The following AKAP13 variants were observed in gnomAD, a reference collection of about 807,000 sequenced individuals.
AKAP13 encodes the protein A-kinase anchoring protein 13.
Under a neutral mutation model 264.5 loss-of-function variants are expected in AKAP13, and 80 were observed. The observed-to-expected ratio is 0.30, with a 90% CI of 0.25 to 0.36. The LOEUF (loss-of-function observed/expected upper bound fraction) is 0.36, where lower values mean the gene tolerates loss of function less well. Among genes scored for constraint, AKAP13 ranks in the 10% least tolerant of loss-of-function variants. AKAP13 has a pLI of 1.00. For synonymous variants in AKAP13, 1,380 were observed against 1,250.2 expected (o/e 1.10, Z -2.19); for missense variants, 3,712 against 3,435.2 (o/e 1.08, Z -2.01).
rs575667428 is a variant in AKAP13, at chr15:85,499,124, C to G, written c.33+13371C>G. 3.3e-5 allele frequency among the ~76,000 whole-genome samples: 5 copies of G among 152,226 alleles called. No homozygotes were observed. The East Asian group carries it at 9.6e-4, about 29-fold the overall frequency. Reference sequence around the variant, plus strand: ...AAGATATTATTTCAGAAGGACAGATCTATGGCTTTTCTTTTTTAAAGGCTA... The same window carrying G: ...AAGATATTATTTCAGAAGGACAGATGTATGGCTTTTCTTTTTTAAAGGCTA... On this transcript the variant is annotated intron_variant, in intron 2 of 36. Coordinates refer to ENST00000394518, the MANE Select transcript of AKAP13 (RefSeq NM_007200.5).
At chr15:85,388,142 T>G (rs927752299) in intron 1 of AKAP13, among the ~76,000 whole-genome samples, 3 of 151,960 alleles carry the variant, frequency 2.0e-5, no homozygotes, top group African/African-American at 7.3e-5. Context: ...TTCAAGTGAT[T>G]CTCGTGCCTC....
intron 8 of AKAP13, among the ~76,000 whole-genome samples, chr15:85,590,559 T>C (rs1440575607): frequency 6.6e-6 from 1 of 152,230 alleles, no homozygotes; most frequent in Non-Finnish European, 1.5e-5. Flanking sequence ...CGTTTACTTA[T>C]ATTCTCAGAG....
intron 18 of AKAP13, among the ~76,000 whole-genome samples, chr15:85,709,633 A>G (rs1387275699): frequency 2.6e-5 from 4 of 151,706 alleles, no homozygotes; most frequent in Non-Finnish European, 5.9e-5. Context: ...CATCTCCCAT[A>G]TAAGAGAATA....
intron 3 of AKAP13, among the ~76,000 whole-genome samples, chr15:85,531,385 C>T (rs547282557): frequency 2.0e-5 from 3 of 152,348 alleles, no homozygotes; most frequent in Admixed American, 6.5e-5. Context: ...CCTTACTTTA[C>T]TCATCTTCAC....
chr15:85,698,434 C>T (rs1386036229), intron 17 of AKAP13, among the ~76,000 whole-genome samples: 1 of 125,986 alleles, frequency 7.9e-6, no homozygotes, highest in Non-Finnish European at 1.6e-5. Flanking sequence ...CACTACACTC[C>T]AGTCTGGGTG....
At chr15:85,572,617 T>G (rs1249874254) in intron 5 of AKAP13, among the ~76,000 whole-genome samples, 2 of 152,310 alleles carry the variant, frequency 1.3e-5, no homozygotes, top group African/African-American at 4.8e-5. Context: ...CGTCAGCCAG[T>G]ACATGATTTT....
In AKAP13 at chr15:85,580,339, G is replaced by C; in HGVS notation, c.2271G>C (p.Glu757Asp). The change falls in exon 7 of 37, where the codon GAG (glutamate) becomes GAC (aspartate). Residue 757 changes from glutamate to aspartate, a missense_variant. By Grantham distance (45) the Glu-to-Asp change is conservative. Around this residue, in one of 3 missense-constraint regions of AKAP13, gnomAD observed 2,759 missense variants for 2,411.7 expected, o/e 1.14. Transcript: ENST00000394518. ...KLDKPLTNML[E>D]VVSHPHPVVP... Reference sequence around the variant, plus strand: ...ATAAACCTTTAACAAATATGCTTGAGGTGGTTTCACATCCACATCCAGTTG... The same window carrying C: ...ATAAACCTTTAACAAATATGCTTGACGTGGTTTCACATCCACATCCAGTTG... 6.2e-7 allele frequency: 1 copy of C among 1,614,238 alleles called. No individual in the cohort carries two copies. Among genetic ancestry groups the C allele is most frequent in the Non-Finnish European group, 8.5e-7 (1 of 1,180,046 alleles).
At chr15:85,694,831 A>G (rs149914888) in intron 17 of AKAP13, among the ~76,000 whole-genome samples, 1 of 152,384 alleles carries the variant, frequency 6.6e-6, no homozygotes, top group African/African-American at 2.4e-5. Context: ...CAGATGTTAT[A>G]GTGACGAATT....
Position 85,718,391 on chromosome 15 carries a change from T to C in AKAP13, c.6001+232T>C, listed in dbSNP as rs955235336. Among the ~76,000 whole-genome samples the C allele has an allele frequency of 4.6e-5, 7 of 152,216 alleles. No homozygotes were observed. Among genetic ancestry groups the C allele is most frequent in the African/African-American group, 4.8e-5 (2 of 41,462 alleles). On this transcript the variant is annotated intron_variant, in intron 22 of 36. Transcript: ENST00000394518. This position sits in a 1 kb window ranked among gnomAD's most constrained non-coding sequence, Gnocchi z 4.9. ...CATTGTACTTATATGTGAGTACTTA[T>C]TTATACAGCAGTCCTAGAAAGAGAT...
At chr15:85,610,015 A>G (rs1422135142) in intron 8 of AKAP13, among the ~76,000 whole-genome samples, 4 of 152,160 alleles carry the variant, frequency 2.6e-5, no homozygotes, top group Admixed American at 2.6e-4. Flanking sequence ...GGACTCAAAA[A>G]TGTTTTATGT....
At chr15:85,425,934 G>A (rs534265300) in intron 1 of AKAP13, among the ~76,000 whole-genome samples, 1 of 151,858 alleles carries the variant, frequency 6.6e-6, no homozygotes, top group Non-Finnish European at 1.5e-5. Flanking sequence ...ATCAGATTGC[G>A]AAGTATTTGT....
intron 5 of AKAP13, among the ~76,000 whole-genome samples, chr15:85,563,611 T>G (rs1338020475): frequency 6.6e-6 from 1 of 152,188 alleles, no homozygotes; most frequent in Non-Finnish European, 1.5e-5. Context: ...CCGCATGAAC[T>G]GTTCCTACAA....
chr15:85,664,158 T>C (rs2083479303), intron 12 of AKAP13, among the ~76,000 whole-genome samples: 1 of 152,248 alleles, frequency 6.6e-6, no homozygotes, highest in Non-Finnish European at 1.5e-5. Context: ...TGAAAGTTAC[T>C]TAAGCTCGTA....
At chr15:85,717,701 C>T (rs2087032931) in intron 21 of AKAP13, among the ~76,000 whole-genome samples, 1 of 152,198 alleles carries the variant, frequency 6.6e-6, no homozygotes, top group South Asian at 2.1e-4. Context: ...AATTGTAAGC[C>T]TGCTCTCTTA....
intron 14 of AKAP13, among the ~76,000 whole-genome samples, chr15:85,680,301 C>G (rs1384189189): frequency 6.6e-6 from 1 of 151,984 alleles, no homozygotes; most frequent in East Asian, 1.9e-4. Context: ...TTAAACTATC[C>G]TCTTGATTTT....
intron 1 of AKAP13, among the ~76,000 whole-genome samples, chr15:85,447,041 A>G (rs1239076400): frequency 2.0e-5 from 3 of 152,122 alleles, no homozygotes; most frequent in Non-Finnish European, 4.4e-5. Flanking sequence ...GGCCGAGGCC[A>G]GGAGATCACA....
At chr15:85,397,713 T>C (rs989924162) in intron 1 of AKAP13, among the ~76,000 whole-genome samples, 3 of 152,348 alleles carry the variant, frequency 2.0e-5, no homozygotes, top group African/African-American at 4.8e-5. Context: ...TAGCTAATTT[T>C]ATATATACTT....
At chr15:85,685,114 A>G (rs907874187) in intron 16 of AKAP13, 1 of 389,628 alleles carries the variant, frequency 2.6e-6, no homozygotes, top group Non-Finnish European at 4.5e-6. Context: ...AACCCTTTCA[A>G]CAACCCTGTC....
chr15:85,535,768 A>C (rs1219006999), intron 4 of AKAP13: 1 of 150,358 alleles, frequency 6.7e-6, no homozygotes, highest in African/African-American at 2.4e-5. Context: ...AACATCTGAA[A>C]CTTTGGACAT....
Sources: gnomAD v4.1 joint callset for allele counts (sites outside exome capture counted in the v4.1 genomes callset) on GRCh38, gnomAD v4.1.1 for gene constraint, gnomAD v4.1.1 regional missense constraint, Gnocchi (gnomAD v3.1) non-coding constraint, MANE v1.5 for transcripts, NCBI Gene and HGNC (gene_info 2026-07-23, HGNC 2026-07-21) for gene names.